SIM1: variants seen among roughly 807,000 people sequenced by gnomAD.
SIM1 encodes SIM bHLH transcription factor 1.
In SIM1, 18 loss-of-function variants were observed where a neutral mutation model predicts 78.2. The observed-to-expected ratio is 0.23, with a 90% CI of 0.16 to 0.34. The LOEUF (loss-of-function observed/expected upper bound fraction) is 0.34, where lower values mean the gene tolerates loss of function less well. SIM1 is among the 10% of genes least tolerant of loss of function. SIM1 has a pLI of 1.00. For synonymous variants in SIM1, 417 were observed against 385.2 expected (o/e 1.08, Z -0.97); for missense variants, 939 against 975.1 (o/e 0.96, Z 0.49).
intron 9 of SIM1, among the ~76,000 whole-genome samples, chr6:100,437,829 G>A (rs559453709): frequency 2.6e-5 from 4 of 152,282 alleles, no homozygotes; most frequent in African/African-American, 9.6e-5. Flanking sequence ...AGGTTTGTGT[G>A]TTGTGGGACT....
rs557505303 is a variant in SIM1 at position 100,439,944 on chromosome 6, C to A, written c.998+7324G>T. ...ACCAAACTGCAGAAATCACCACACA[C>A]AAAGAGCACAAAACTTGGAGGTTTG... is the stretch of plus-strand genomic sequence containing the variant. On this transcript the variant is annotated intron_variant, in intron 9 of 11. Transcript: ENST00000369208. 1.4e-4 allele frequency among the ~76,000 whole-genome samples: 21 copies of A among 152,160 alleles called. No homozygotes were observed. In the South Asian group the frequency reaches 1.5e-3, roughly 11 times the overall value.
chr6:100,406,986 C>T (rs1771068205), intron 10 of SIM1, among the ~76,000 whole-genome samples: 1 of 152,132 alleles, frequency 6.6e-6, no homozygotes, highest in Non-Finnish European at 1.5e-5. Flanking sequence ...TCCTCATTTC[C>T]CCCACCCTCC....
chr6:100,435,034 G>T (rs181430514), intron 9 of SIM1, among the ~76,000 whole-genome samples: 145 of 152,250 alleles, frequency 9.5e-4, no homozygotes, highest in Non-Finnish European at 1.6e-3. Context: ...TTTTCTGTGG[G>T]TGACACGTTG....
intron 9 of SIM1, among the ~76,000 whole-genome samples, chr6:100,429,774 T>C (rs1771853834): frequency 6.6e-6 from 1 of 152,230 alleles, no homozygotes; most frequent in Non-Finnish European, 1.5e-5. Flanking sequence ...AAATTTCATG[T>C]ACTTTCATTT....
rs538104342 is a variant in SIM1 at position 100,393,835 on chromosome 6, C to G, written c.1222G>C (p.Gly408Arg). Residue 408 changes from glycine to arginine, a missense_variant, in exon 11 of 12, where the codon GGA (glycine) becomes CGA (arginine). Around this residue, in one of 5 missense-constraint regions of SIM1, gnomAD observed 556 missense variants for 521.9 expected, o/e 1.07. Transcript: ENST00000369208. The part of the protein sequence containing the change: ...SESDHDSQWG[G>R]SPLTDTASPQ... ...GAGGCCGTGTCGGTCAAGGGACTTC[C>G]GCCCCACTGGCTGTCATGATCAGAT... 1.3e-5 allele frequency: 21 copies of G among 1,606,350 alleles called. No individual in the cohort carries two copies. The highest frequency in any genetic ancestry group is 1.8e-5 in the Non-Finnish European group (21 of 1,175,142).
At chr6:100,399,107 A>G (rs891661687) in intron 10 of SIM1, among the ~76,000 whole-genome samples, 1 of 152,070 alleles carries the variant, frequency 6.6e-6, no homozygotes, top group African/African-American at 2.4e-5. Context: ...AGAAATGTCT[A>G]TTCAAGTCCT....
At chr6:100,428,205 A>T (rs1231774042) in intron 9 of SIM1, among the ~76,000 whole-genome samples, 2 of 152,216 alleles carry the variant, frequency 1.3e-5, no homozygotes, top group African/African-American at 4.8e-5. Context: ...TTATGAAATT[A>T]TAATTCAGGC....
intron 10 of SIM1, among the ~76,000 whole-genome samples, chr6:100,406,648 C>T (rs1350296287): frequency 6.6e-6 from 1 of 152,100 alleles, no homozygotes; most frequent in Non-Finnish European, 1.5e-5. Flanking sequence ...ATAATATAAA[C>T]TATATTAAAC....
chr6:100,402,262 G>T (rs984513144), intron 10 of SIM1, among the ~76,000 whole-genome samples: 9 of 151,908 alleles, frequency 5.9e-5, no homozygotes, highest in Admixed American at 2.0e-4. Context: ...CATCTTATAG[G>T]CAGGAAAAGA....
intron 3 of SIM1, 139 bp from the exon 4 acceptor site, chr6:100,450,495 A>C (rs1455035879): frequency 1.4e-6 from 1 of 690,860 alleles, no homozygotes; most frequent in Non-Finnish European, 2.5e-6. Flanking sequence ...AACAGGGCAT[A>C]GAAAACTAGC....
rs149594580 is a variant in SIM1 at position 100,387,945 on chromosome 6, C to T, written c.*2416G>A. Reference sequence around the variant, plus strand: ...TAGAATATATAGCCACCAGAAATACCCATCTGTGAAAATTACCTTTCCAAA... The same window carrying T: ...TAGAATATATAGCCACCAGAAATACTCATCTGTGAAAATTACCTTTCCAAA... On this transcript the variant is annotated 3_prime_UTR_variant, in exon 12 of 12. Transcript: ENST00000369208. 4 of 152,030 alleles carry T rather than the reference C, an allele frequency of 2.6e-5. No individual in the cohort carries two copies. Among genetic ancestry groups the T allele is most frequent in the Admixed American group, 1.3e-4 (2 of 15,242 alleles). The allele number at this position is 152,030 out of a possible 1,614,324, so 9.4% of individuals were successfully genotyped here.
chr6:100,436,451 G>A (rs1254466427), intron 9 of SIM1, among the ~76,000 whole-genome samples: 1 of 152,140 alleles, frequency 6.6e-6, no homozygotes, highest in Non-Finnish European at 1.5e-5. Flanking sequence ...GCCACCATCT[G>A]CTTCCTAAGA....
rs1230176343 is a variant in SIM1 at position 100,387,810 on chromosome 6, T to A, written c.*2551A>T. ...TCTCACCAGTTAACTATCTTCCATA[T>A]AAAAATTCCACTGAAATTCCTTTAG... is the stretch of plus-strand genomic sequence containing the variant. On this transcript the variant is annotated 3_prime_UTR_variant, in exon 12 of 12. Coordinates refer to ENST00000369208, the MANE Select transcript of SIM1 (RefSeq NM_005068.3). 1 of 152,114 alleles carries A rather than the reference T, an allele frequency of 6.6e-6. No individual in the cohort carries two copies. Among genetic ancestry groups the A allele is most frequent in the Non-Finnish European group, 1.5e-5 (1 of 67,970 alleles). 9.4% of individuals were successfully genotyped at this position (152,114 alleles called of 1,614,324 possible).
In SIM1 at chr6:100,393,605, G is replaced by A. The variant is rs779506359; in HGVS notation, c.1452C>T (p.Ala484=). 6.2e-7 allele frequency: 1 copy of A among 1,613,998 alleles called. No homozygotes were observed. Among genetic ancestry groups the A allele is most frequent in the East Asian group, 2.2e-5 (1 of 44,872 alleles). ...GAGAGCCCCACCAGGGCTCCCTCCC[G>A]GCCTGCGGCGTTCCCAGGAAGTACC... ...AGRYFLGTPQ[A]GREPWWGSRA... Residue 484 remains alanine (A), a synonymous_variant, in exon 11 of 12, where the codon GCC becomes GCT. Transcript: ENST00000369208.
intron 9 of SIM1, among the ~76,000 whole-genome samples, chr6:100,437,843 G>T (rs533219679): frequency 6.6e-6 from 1 of 152,294 alleles, no homozygotes; most frequent in South Asian, 2.1e-4. Flanking sequence ...TGGGACTGGG[G>T]AATGGAGAGA....
chr6:100,388,538 C>A lies in SIM1; in HGVS notation c.*1823G>T, dbSNP rs1046588828. ...TTTATGTAGCCTCTCCTTTCATATACAAACAACCCAGTACTCATCTTTCAT... is the reference window on the plus strand; with the variant it reads ...TTTATGTAGCCTCTCCTTTCATATAAAAACAACCCAGTACTCATCTTTCAT... On this transcript the variant is annotated 3_prime_UTR_variant, in exon 12 of 12. Coordinates refer to ENST00000369208, the MANE Select transcript of SIM1 (RefSeq NM_005068.3). The A allele has an allele frequency of 6.6e-6, 1 of 152,164 alleles. No homozygotes were observed. The highest frequency in any genetic ancestry group is 1.5e-5 in the Non-Finnish European group (1 of 68,024). The allele number at this position is 152,164 out of a possible 1,614,324, so 9.4% of individuals were successfully genotyped here.
chr6:100,412,598 AGAAAGAAAGAAAG>A, intron 10 of SIM1, among the ~76,000 whole-genome samples: 1 of 110,386 alleles, frequency 9.1e-6, no homozygotes. Context: ...AAAGAAAGAA[AGAAAGAAAGAAAG>A]GAAAGAAAGA....
intron 9 of SIM1, among the ~76,000 whole-genome samples, chr6:100,436,418 A>G (rs1772051953): frequency 2.0e-5 from 3 of 152,194 alleles, no homozygotes; most frequent in Non-Finnish European, 4.4e-5. Flanking sequence ...GCATCAAGAT[A>G]ATTGCTGATT....
Position 100,453,815 on chromosome 6 carries a change from G to T in SIM1, c.205C>A (p.Arg69=), listed in dbSNP as rs1398673847. Reference sequence around the variant, plus strand: ...CCAACGTTGTCCAGGGGGCTGGTCCGACTTGAGTGGCCCCACGCCTCGCCG... The same window carrying T: ...CCAACGTTGTCCAGGGGGCTGGTCCTACTTGAGTGGCCCCACGCCTCGCCG... The part of the protein sequence containing the change: ...GLGEAWGHSS[R]TSPLDNVGRE... Residue 69 remains arginine, a synonymous_variant, in exon 3 of 12, where the codon CGG becomes AGG. Transcript: ENST00000369208. The T allele has an allele frequency of 1.2e-6, 2 of 1,612,450 alleles. No individual in the cohort carries two copies. Among genetic ancestry groups the T allele is most frequent in the Admixed American group, 1.7e-5 (1 of 59,834 alleles).
Sources: allele counts gnomAD v4.1 joint callset (sites outside exome capture counted in the v4.1 genomes callset), GRCh38; gene constraint gnomAD v4.1.1; regional missense constraint gnomAD v4.1.1; transcripts MANE v1.5; gene names NCBI Gene and HGNC (gene_info 2026-07-23, HGNC 2026-07-21).